The following ETV6 variants were observed in gnomAD, a reference collection of about 807,000 sequenced individuals.
The protein encoded by ETV6 is transcription factor ETV6.
A neutral mutation model predicts 51.1 loss-of-function variants in ETV6; 16 were observed. That is an observed-to-expected ratio of 0.31 (90% confidence interval 0.21 to 0.48). The LOEUF (loss-of-function observed/expected upper bound fraction) is 0.48. Ranked by LOEUF, ETV6 falls within the 20% of genes least tolerant of loss-of-function variation. ETV6 has a pLI of 0.99. For synonymous variants in ETV6, 240 were observed against 224.1 expected, an observed-to-expected ratio of 1.07 and a Z score of -0.64; for missense variants, 458 against 594.8, an observed-to-expected ratio of 0.77 and a Z score of 2.39.
In ETV6 at chr12:11,895,294, A is replaced by AAC. The variant is rs1254457294; in HGVS notation, c.*4249_*4250insCA. ...CAAATGAATGTAACAAAAAAGAAAA[A>AAC]AAAAACAAAAAAAAATGCCTTTTCT... On this transcript the variant is annotated 3_prime_UTR_variant, in exon 8 of 8. Transcript: ENST00000396373. The AAC allele has an allele frequency of 2.1e-4, 48 of 232,710 alleles. No individual in the cohort carries two copies. In the Admixed American group the frequency reaches 2.5e-3, roughly 12 times the overall value. 14.4% of individuals were successfully genotyped at this position (232,710 alleles called of 1,614,324 possible).
At chr12:11,721,741 C>T (rs527696250) in intron 1 of ETV6, among the ~76,000 whole-genome samples, 12 of 152,272 alleles carry the variant, frequency 7.9e-5, no homozygotes, top group Admixed American at 7.8e-4. Context: ...TAGAATTAAG[C>T]AAGGTAATAT....
At chr12:11,885,666 T>C (rs1285460428) in intron 6 of ETV6, among the ~76,000 whole-genome samples, 1 of 152,190 alleles carries the variant, frequency 6.6e-6, no homozygotes, top group Non-Finnish European at 1.5e-5. Context: ...GGATCTGCTT[T>C]ATTAGCTAGG....
intron 2 of ETV6, among the ~76,000 whole-genome samples, chr12:11,779,815 A>G (rs774309173): frequency 2.0e-5 from 3 of 152,244 alleles, no homozygotes. Context: ...TGTTCAGTGC[A>G]TGATGAGAAT....
intron 2 of ETV6, among the ~76,000 whole-genome samples, chr12:11,837,544 A>G (rs141733177): frequency 4.3e-4 from 65 of 152,288 alleles, no homozygotes; most frequent in Non-Finnish European, 6.8e-4. Flanking sequence ...TTTGTTCCCC[A>G]CTTCAGCAGG....
chr12:11,676,103 T>C (rs1864417336), intron 1 of ETV6, among the ~76,000 whole-genome samples: 1 of 152,192 alleles, frequency 6.6e-6, no homozygotes, highest in African/African-American at 2.4e-5. Context: ...TGTCACTTTC[T>C]TTGTCAGTTT....
chr12:11,762,228 C>T (rs1334014222), intron 2 of ETV6, among the ~76,000 whole-genome samples: 3 of 152,222 alleles, frequency 2.0e-5, no homozygotes, highest in African/African-American at 7.2e-5. Flanking sequence ...GATCACAGGC[C>T]TGCTCCCCTG....
intron 2 of ETV6, among the ~76,000 whole-genome samples, chr12:11,815,006 G>A (rs1272853760): frequency 1.3e-5 from 2 of 152,152 alleles, no homozygotes; most frequent in African/African-American, 4.8e-5. Context: ...AAAGGAGAAG[G>A]AAACAGAGGC....
chr12:11,817,532 G>A (rs929173385), intron 2 of ETV6, among the ~76,000 whole-genome samples: 1 of 152,190 alleles, frequency 6.6e-6, no homozygotes, highest in Non-Finnish European at 1.5e-5. Context: ...TAACTCTATG[G>A]AGTAATTTCC....
At chr12:11,773,514 T>C (rs1386850171) in intron 2 of ETV6, among the ~76,000 whole-genome samples, 1 of 152,180 alleles carries the variant, frequency 6.6e-6, no homozygotes. Flanking sequence ...TAAATACACA[T>C]TATTTTATTG....
Position 11,691,317 on chromosome 12 carries a change from C to A in ETV6, c.33+41157C>A, listed in dbSNP as rs74945747. ...CTGTAGCAGTGACCATAAACCCATCCCCCCAGACAAATCTAGGACCTGGAG... is the reference window on the plus strand; with the variant it reads ...CTGTAGCAGTGACCATAAACCCATCACCCCAGACAAATCTAGGACCTGGAG... On this transcript the variant is annotated intron_variant, in intron 1 of 7. Coordinates refer to ENST00000396373, the MANE Select transcript of ETV6 (RefSeq NM_001987.5). Among the ~76,000 whole-genome samples the A allele has an allele frequency of 7.5e-3, 1,140 of 152,238 alleles. 7 individuals are homozygous for A. The highest frequency in any genetic ancestry group is 0.026 in the African/African-American group (1,068 of 41,552).
At chr12:11,680,400 C>G (rs1425856543) in intron 1 of ETV6, among the ~76,000 whole-genome samples, 3 of 152,046 alleles carry the variant, frequency 2.0e-5, no homozygotes. Flanking sequence ...ATTTTGCTTC[C>G]TTTGGTTTTG....
intron 1 of ETV6, among the ~76,000 whole-genome samples, chr12:11,654,996 C>T (rs1245522682): frequency 6.6e-6 from 1 of 152,270 alleles, no homozygotes; most frequent in Non-Finnish European, 1.5e-5. Flanking sequence ...GATGTGAGCA[C>T]CAGAGGCAGG....
chr12:11,692,471 C>T (rs1240017138), intron 1 of ETV6, among the ~76,000 whole-genome samples: 1 of 152,192 alleles, frequency 6.6e-6, no homozygotes, highest in Non-Finnish European at 1.5e-5. Flanking sequence ...CCACTAACTT[C>T]CCAGCCCCAC....
intron 7 of ETV6, among the ~76,000 whole-genome samples, chr12:11,886,307 G>A (rs1046112202): frequency 1.3e-5 from 2 of 152,186 alleles, no homozygotes; most frequent in Non-Finnish European, 2.9e-5. Flanking sequence ...ATTAAAGTCC[G>A]GTGTAGTTAA....
chr12:11,675,243 A>G (rs1321022627), intron 1 of ETV6, among the ~76,000 whole-genome samples: 2 of 152,214 alleles, frequency 1.3e-5, no homozygotes, highest in African/African-American at 2.4e-5. Context: ...CCCAGAAAAC[A>G]TTCTTTGAAG....
At chr12:11,868,583 G>A (rs1286029296) in intron 4 of ETV6, among the ~76,000 whole-genome samples, 19 of 151,490 alleles carry the variant, frequency 1.3e-4, no homozygotes, top group Non-Finnish European at 1.8e-4. Flanking sequence ...GATTACAGGC[G>A]GGAGCCACCG....
chr12:11,754,383 T>C (rs967118950), intron 2 of ETV6, among the ~76,000 whole-genome samples: 3 of 152,160 alleles, frequency 2.0e-5, no homozygotes, highest in Admixed American at 2.0e-4. Context: ...TTCCTATAGA[T>C]TGCAACATCC....
chr12:11,892,030 C>T lies in ETV6; in HGVS notation c.*984C>T, dbSNP rs201545799. The T allele has an allele frequency of 1.7e-5, 4 of 233,822 alleles. No individual in the cohort carries two copies. Among genetic ancestry groups the T allele is most frequent in the South Asian group, 1.8e-4 (1 of 5,612 alleles). 14.5% of individuals were successfully genotyped at this position (233,822 alleles called of 1,614,324 possible). A position where few individuals can be genotyped will look rare whatever the true frequency, so the allele number is the denominator to read the frequency against. On this transcript the variant is annotated 3_prime_UTR_variant, in exon 8 of 8. Transcript: ENST00000396373. ...GCTTGGGATTAGCTTGGGAGCGCAG[C>T]GCTGCAAAGTGGAAAATATGAAAAG... is the stretch of plus-strand genomic sequence containing the variant.
At chr12:11,884,928 T>C (rs1947162657) in intron 6 of ETV6, among the ~76,000 whole-genome samples, 1 of 152,188 alleles carries the variant, frequency 6.6e-6, no homozygotes. Flanking sequence ...ACTCTCTGAC[T>C]CACAGGGGAC....
Sources: allele counts gnomAD v4.1 joint callset (sites outside exome capture counted in the v4.1 genomes callset), GRCh38; gene constraint gnomAD v4.1.1; transcripts MANE v1.5; gene names NCBI Gene and HGNC (gene_info 2026-07-23, HGNC 2026-07-21).